LMCD1: variants seen among roughly 807,000 people sequenced by gnomAD.
The protein encoded by LMCD1 is LIM and cysteine-rich domains protein 1.
Under a neutral mutation model 42.7 loss-of-function variants are expected in LMCD1, and 32 were observed. The observed-to-expected ratio is 0.75, with a 90% CI of 0.57 to 1.01. The LOEUF is 1.01. Ranked by LOEUF, LMCD1 falls within the 50% of genes least tolerant of loss-of-function variation. LMCD1 has a pLI of 0.00. For synonymous variants in LMCD1, 178 were observed against 184.9 expected (o/e 0.96, Z 0.30); for missense variants, 458 against 483.1 (o/e 0.95, Z 0.49).
chr3:8,530,130 C>T (rs868696055), intron 1 of LMCD1, among the ~76,000 whole-genome samples: 1 of 152,176 alleles, frequency 6.6e-6, no homozygotes, highest in African/African-American at 2.4e-5. Flanking sequence ...GTTAAAGGCT[C>T]GGGAGCCTCT....
At chr3:8,533,173 G>A (rs1327295617) in intron 2 of LMCD1, among the ~76,000 whole-genome samples, 3 of 152,094 alleles carry the variant, frequency 2.0e-5, no homozygotes, top group Non-Finnish European at 4.4e-5. Flanking sequence ...TTGGTGGATG[G>A]GGTGATCTCC....
intron 1 of LMCD1, among the ~76,000 whole-genome samples, chr3:8,505,378 G>C (rs1352328791): frequency 6.6e-6 from 1 of 152,170 alleles, no homozygotes; most frequent in Non-Finnish European, 1.5e-5. Flanking sequence ...ATTTCACTTT[G>C]GAGTTATATA....
At chr3:8,527,234 C>T (rs1694317950) in intron 1 of LMCD1, among the ~76,000 whole-genome samples, 1 of 152,172 alleles carries the variant, frequency 6.6e-6, no homozygotes, top group African/African-American at 2.4e-5. Context: ...AAAGATAAAA[C>T]ACTTTTGATT....
intron 1 of LMCD1, among the ~76,000 whole-genome samples, chr3:8,502,728 A>T (rs1444264417): frequency 6.6e-6 from 1 of 151,928 alleles, no homozygotes; most frequent in Non-Finnish European, 1.5e-5. Context: ...GGAGCCCAGA[A>T]GGTCATGGGT....
intron 1 of LMCD1, among the ~76,000 whole-genome samples, chr3:8,512,509 G>T (rs927009149): frequency 2.6e-5 from 4 of 152,188 alleles, no homozygotes; most frequent in Admixed American, 1.3e-4. Context: ...GATCATCCCT[G>T]TGTTTACAAG....
intron 3 of LMCD1, 61 bp from the exon 4 acceptor site, chr3:8,548,507 T>A: frequency 8.2e-7 from 1 of 1,216,562 alleles, no homozygotes; most frequent in Non-Finnish European, 1.1e-6. Context: ...TCTGTCATAG[T>A]TTCTTTGACT....
At chr3:8,519,162 T>C (rs1694153921) in intron 1 of LMCD1, among the ~76,000 whole-genome samples, 1 of 152,142 alleles carries the variant, frequency 6.6e-6, no homozygotes, top group Admixed American at 6.6e-5. Flanking sequence ...AACAATGACA[T>C]TGAGGAGTTA....
chr3:8,561,381 GT>G (rs5846603), intron 4 of LMCD1, among the ~76,000 whole-genome samples: 2,051 of 144,554 alleles, frequency 0.014, 28 homozygotes, highest in Admixed American at 0.042. Context: ...TGAGCACAGA[GT>G]TTTTTTTTTT....
At position 8,548,839 on chromosome 3, in the gene LMCD1, G is replaced by A; in HGVS notation, c.659G>A (p.Gly220Glu). The A allele has an allele frequency of 6.3e-7, 1 of 1,592,730 alleles. No homozygotes were observed. The highest frequency in any genetic ancestry group is 8.6e-7 in the Non-Finnish European group (1 of 1,165,942). ...EEGKQQEKPE[G>E]AETTAATTNG... is the part of the protein sequence containing the mutation. ...GGGAAGCAGCAGGAAAAGCCAGAGG[G>A]GGCAGAGACCACTGCTGCTACCACC... The change falls in exon 4 of 6, where the codon GGG becomes GAG. Residue 220 changes from glycine to glutamate, a missense_variant. Gly to Glu is a moderately conservative substitution (Grantham distance 98, BLOSUM62 -2). Transcript: ENST00000157600.
chr3:8,549,721 T>A (rs1423599964), intron 4 of LMCD1, among the ~76,000 whole-genome samples: 1 of 152,080 alleles, frequency 6.6e-6, no homozygotes, highest in Non-Finnish European at 1.5e-5. Context: ...ATTTCATACA[T>A]CTGTGGAGGC....
At chr3:8,512,482 A>C (rs1384889906) in intron 1 of LMCD1, among the ~76,000 whole-genome samples, 1 of 152,242 alleles carries the variant, frequency 6.6e-6, no homozygotes, top group Non-Finnish European at 1.5e-5. Flanking sequence ...CAATTATCTG[A>C]AAAATAACAT....
At chr3:8,565,395 C>G in intron 4 of LMCD1, 37 bp from the exon 5 acceptor site, 4 of 1,577,906 alleles carry the variant, frequency 2.5e-6, no homozygotes, top group Non-Finnish European at 3.5e-6. Context: ...GCTCTCCTGA[C>G]TTCCTTGTCT....
intron 3 of LMCD1, among the ~76,000 whole-genome samples, chr3:8,539,516 G>A (rs976029347): frequency 6.6e-6 from 1 of 152,158 alleles, no homozygotes; most frequent in Non-Finnish European, 1.5e-5. Context: ...CCCCAGGTCT[G>A]GGTAAGCTAT....
At chr3:8,505,595 A>G (rs553686090) in intron 1 of LMCD1, among the ~76,000 whole-genome samples, 1 of 152,402 alleles carries the variant, frequency 6.6e-6, no homozygotes, top group East Asian at 1.9e-4. Flanking sequence ...GAACCTGTTC[A>G]TAGTTGACTG....
intron 1 of LMCD1, among the ~76,000 whole-genome samples, chr3:8,521,885 G>A (rs1381769512): frequency 6.6e-6 from 1 of 152,014 alleles, no homozygotes; most frequent in Non-Finnish European, 1.5e-5. Flanking sequence ...TTTTCATTTT[G>A]GTTTTGGTTT....
chr3:8,565,698 G>A (rs1464321064), intron 5 of LMCD1, 51 bp downstream of exon 5: 2 of 1,506,128 alleles, frequency 1.3e-6, no homozygotes, highest in South Asian at 1.2e-5. Context: ...CACTGCTGAG[G>A]GTAAAAGCCC....
In LMCD1 at chr3:8,548,625, G is replaced by C; in HGVS notation, c.445G>C (p.Gly149Arg). ...GAAGCAGCCAGTGACAGGCACAGAG[G>C]GTGCCTTTTACCGCCGCCGCCAGCT... ...KEKQPVTGTE[G>R]AFYRRRQLMH... Residue 149 changes from glycine to arginine, a missense_variant, in exon 4 of 6, where the codon GGT (glycine) becomes CGT (arginine). Coordinates refer to ENST00000157600, the MANE Select transcript of LMCD1 (RefSeq NM_014583.4). 2 of 1,614,122 alleles carry C rather than the reference G, an allele frequency of 1.2e-6. No homozygotes were observed. The highest frequency in any genetic ancestry group is 1.7e-6 in the Non-Finnish European group (2 of 1,180,012).
chr3:8,530,187 C>T (rs1180737029), intron 1 of LMCD1, among the ~76,000 whole-genome samples: 1 of 152,224 alleles, frequency 6.6e-6, no homozygotes, highest in East Asian at 1.9e-4. Context: ...AATTCTCTGT[C>T]CCACTCCCAA....
chr3:8,534,932 C>G (rs1694482414), intron 2 of LMCD1, among the ~76,000 whole-genome samples: 1 of 152,206 alleles, frequency 6.6e-6, no homozygotes, highest in East Asian at 1.9e-4. Context: ...CATCTCAGAT[C>G]TGTTAACTTT....
Sources: allele counts gnomAD v4.1 joint callset (sites outside exome capture counted in the v4.1 genomes callset), GRCh38; gene constraint gnomAD v4.1.1; transcripts MANE v1.5; gene names NCBI Gene and HGNC (gene_info 2026-07-23, HGNC 2026-07-21).